Variants in CSMD1 observed in about 807,000 individuals in gnomAD.
CSMD1 encodes the protein CUB and sushi domain-containing protein 1.
CSMD1 carries 213 observed loss-of-function variants against 417.5 expected under a neutral mutation model. The ratio of observed to expected loss-of-function variants is 0.51; its 90% CI spans 0.46 to 0.57. The LOEUF (loss-of-function observed/expected upper bound fraction) is 0.57. Among genes scored for constraint, CSMD1 ranks in the 20% least tolerant of loss-of-function variants. The pLI is 0.00. For missense variants in CSMD1, 6,923 were observed against 4,529.7 expected (o/e 1.53, Z -15.17); for synonymous variants, 2,862 against 1,736.8 (o/e 1.65, Z -16.11).
intron 3 of CSMD1, among the ~76,000 whole-genome samples, chr8:4,326,490 G>C (rs1799570220): frequency 6.6e-6 from 1 of 152,056 alleles, no homozygotes; most frequent in Non-Finnish European, 1.5e-5. Flanking sequence ...ATCAAGAGGA[G>C]ATAGGAAAAA....
At chr8:4,164,414 T>A (rs1009621833) in intron 3 of CSMD1, among the ~76,000 whole-genome samples, 1 of 152,146 alleles carries the variant, frequency 6.6e-6, no homozygotes, top group Admixed American at 6.6e-5. Context: ...GATGCTAATA[T>A]CCTTGAGGGT....
intron 1 of CSMD1, among the ~76,000 whole-genome samples, chr8:4,754,547 T>TG (rs1206606108): frequency 1.3e-5 from 2 of 151,734 alleles, no homozygotes; most frequent in African/African-American, 4.9e-5. Flanking sequence ...ACACTTTGTT[T>TG]TTTTTTTTTT....
At chr8:3,793,521 G>T (rs1354114456) in intron 5 of CSMD1, among the ~76,000 whole-genome samples, 1 of 149,042 alleles carries the variant, frequency 6.7e-6, no homozygotes, top group Non-Finnish European at 1.5e-5. Context: ...GTGGATCTCT[G>T]GATTCGATCT....
intron 33 of CSMD1, among the ~76,000 whole-genome samples, chr8:3,193,675 C>T (rs929352417): frequency 6.6e-6 from 1 of 152,158 alleles, no homozygotes. Context: ...GGAATGAGGT[C>T]AGCCTGGAAT....
chr8:4,640,628 A>G (rs1218559782), intron 1 of CSMD1, among the ~76,000 whole-genome samples: 1 of 152,180 alleles, frequency 6.6e-6, no homozygotes, highest in Non-Finnish European at 1.5e-5. Flanking sequence ...TGATGTCCTT[A>G]AGTACAGCTT....
intron 2 of CSMD1, among the ~76,000 whole-genome samples, chr8:4,543,788 C>A (rs1362357940): frequency 6.6e-6 from 1 of 151,292 alleles, no homozygotes; most frequent in African/African-American, 2.4e-5. Context: ...CATATTCTCA[C>A]CAGCATTTGA....
At chr8:3,974,103 T>A (rs539945976) in intron 5 of CSMD1, among the ~76,000 whole-genome samples, 35 of 152,178 alleles carry the variant, frequency 2.3e-4, no homozygotes, top group African/African-American at 6.8e-4. Context: ...TATTTCTAAT[T>A]ACTTTTTGTA....
chr8:4,988,788 T>G (rs1316676094), intron 1 of CSMD1, among the ~76,000 whole-genome samples: 1 of 152,206 alleles, frequency 6.6e-6, no homozygotes, highest in African/African-American at 2.4e-5. Flanking sequence ...AAAAGAGAAC[T>G]GTTTCACACT....
chr8:4,671,817 G>A lies in CSMD1; in HGVS notation c.86-34259C>T, dbSNP rs530079345. Among the ~76,000 whole-genome samples the A allele has an allele frequency of 1.7e-4, 26 of 152,228 alleles. No individual in the cohort carries two copies. The South Asian group carries it at 2.3e-3, about 13-fold the overall frequency. Reference sequence around the variant, plus strand: ...AGGCTCTCAGCCTGAAGGAGCCAGCGAAAAACTTACGTTTGAGGAGTTTCA... The same window carrying A: ...AGGCTCTCAGCCTGAAGGAGCCAGCAAAAAACTTACGTTTGAGGAGTTTCA... On this transcript the variant is annotated intron_variant, in intron 1 of 69. Coordinates refer to ENST00000635120, the MANE Select transcript of CSMD1 (RefSeq NM_033225.6).
chr8:3,617,427 C>T (rs1039844381), intron 7 of CSMD1, among the ~76,000 whole-genome samples: 3 of 152,166 alleles, frequency 2.0e-5, no homozygotes, highest in Non-Finnish European at 4.4e-5. Context: ...CTTCAACATT[C>T]ATTTCATCCT....
intron 3 of CSMD1, among the ~76,000 whole-genome samples, chr8:4,268,727 C>T (rs1465412117): frequency 6.6e-6 from 1 of 151,204 alleles, no homozygotes; most frequent in Non-Finnish European, 1.5e-5. Flanking sequence ...AACCAAATAC[C>T]CCCACTTAAT....
chr8:4,443,579 T>C (rs973704476), intron 2 of CSMD1, among the ~76,000 whole-genome samples: 4 of 151,854 alleles, frequency 2.6e-5, no homozygotes, highest in African/African-American at 9.7e-5. Context: ...ACATGAATAA[T>C]ATGCATTTGC....
At chr8:3,747,360 T>C (rs533331796) in intron 6 of CSMD1, among the ~76,000 whole-genome samples, 6 of 149,242 alleles carry the variant, frequency 4.0e-5, no homozygotes, top group Middle Eastern at 6.8e-3. Flanking sequence ...TTGGAAGAGA[T>C]TGTTCTGATC....
chr8:4,446,767 G>GTGTGTGTGTC (rs1457334906), intron 2 of CSMD1, among the ~76,000 whole-genome samples: 144 of 101,944 alleles, frequency 1.4e-3, no homozygotes, highest in African/African-American at 6.2e-3. Flanking sequence ...GTGTGTGTGT[G>GTGTGTGTGTC]TGTGTGTGTG....
rs35448667 is a variant in CSMD1 at position 4,566,652 on chromosome 8, C to CA, written c.302+70689dup. 5.7e-3 allele frequency among the ~76,000 whole-genome samples: 358 copies of CA among 62,844 alleles called. 26 individuals are homozygous for CA. The highest frequency in any genetic ancestry group is 0.016 in the African/African-American group (222 of 13,806). 41.2% of individuals were successfully genotyped at this position (62,844 alleles called of 152,430 possible). A position where few individuals can be genotyped will look rare whatever the true frequency, so the allele number is the denominator to read the frequency against. ...TGGGTGACAGAGGGAGACTCTGACTCAAAAAAAAAAAAAAAAAAAAAAAAA... is the reference window on the plus strand; with the variant it reads ...TGGGTGACAGAGGGAGACTCTGACTCAAAAAAAAAAAAAAAAAAAAAAAAAA... On this transcript the variant is annotated intron_variant, in intron 2 of 69. Coordinates refer to ENST00000635120, the MANE Select transcript of CSMD1 (RefSeq NM_033225.6).
chr8:4,975,234 A>G (rs369796690), intron 1 of CSMD1, among the ~76,000 whole-genome samples: 5 of 152,312 alleles, frequency 3.3e-5, no homozygotes, highest in African/African-American at 4.8e-5. Context: ...ATCAGAAAAA[A>G]AGTCTCCAAG....
chr8:3,051,898 A>G (rs1329790402), intron 50 of CSMD1, among the ~76,000 whole-genome samples: 1 of 152,134 alleles, frequency 6.6e-6, no homozygotes, highest in African/African-American at 2.4e-5. Context: ...AAGTACTCCA[A>G]TTTGTTACTC....
At chr8:3,645,261 T>C (rs1248204325) in intron 7 of CSMD1, among the ~76,000 whole-genome samples, 2 of 152,304 alleles carry the variant, frequency 1.3e-5, no homozygotes, top group East Asian at 1.9e-4. Flanking sequence ...TAAGTGTTCA[T>C]ACACTTGTCT....
rs570110480 is a variant in CSMD1, at chr8:3,418,365, T to C, written c.1562-8760A>G. ...CTTGTTTATAGCACTGTCCAAATTA[T>C]TTATTAGTGCTGTTGGAATTCAGAA... On this transcript the variant is annotated intron_variant, in intron 12 of 69. Coordinates refer to ENST00000635120, the MANE Select transcript of CSMD1 (RefSeq NM_033225.6). Among the ~76,000 whole-genome samples, 8 of 152,274 alleles carry C rather than the reference T, an allele frequency of 5.3e-5. No homozygotes were observed. The East Asian group carries it at 7.7e-4, about 15-fold the overall frequency.
Sources: gnomAD v4.1 joint callset for allele counts (sites outside exome capture counted in the v4.1 genomes callset) on GRCh38, gnomAD v4.1.1 for gene constraint, MANE v1.5 for transcripts, NCBI Gene and HGNC (gene_info 2026-07-23, HGNC 2026-07-21) for gene names.